LRRC9: variants seen among roughly 807,000 people sequenced by gnomAD.
The protein encoded by LRRC9 is leucine-rich repeat-containing protein 9.
Under a neutral mutation model 63.2 loss-of-function variants are expected in LRRC9, and 122 were observed. The ratio of observed to expected loss-of-function variants is 1.93; its 90% CI spans 1.67 to 2.24. The LOEUF (loss-of-function observed/expected upper bound fraction) is 2.24. Ranked by LOEUF, LRRC9 falls within the 30% of genes most tolerant of loss-of-function variation. The pLI, the probability that LRRC9 is intolerant of heterozygous loss-of-function variation, is 0.00. For synonymous variants in LRRC9, 366 were observed against 213.1 expected, an observed-to-expected ratio of 1.72 and a Z score of -6.25; for missense variants, 1,071 against 627.7, an observed-to-expected ratio of 1.71 and a Z score of -7.55.
chr14:59,945,830 C>T (rs1203880927), intron 8 of LRRC9, among the ~76,000 whole-genome samples: 1 of 151,720 alleles, frequency 6.6e-6, no homozygotes, highest in Non-Finnish European at 1.5e-5. Flanking sequence ...GACTAATAAG[C>T]ATTTGAAAGA....
At chr14:59,948,258 C>G (rs1171920700) in intron 8 of LRRC9, among the ~76,000 whole-genome samples, 1 of 125,018 alleles carries the variant, frequency 8.0e-6, no homozygotes, top group Non-Finnish European at 1.6e-5. Context: ...GTATTTTATT[C>G]TCTTTGAAGC....
Position 59,919,919 on chromosome 14 carries a change from T to C in LRRC9, c.-34+36T>C, listed in dbSNP as rs1216780327. ...AGATAAGCGCAGGTACAGAAAAACCTGCCAGCGAGAAGCTCCCGCCGTTTC... is the reference window on the plus strand; with the variant it reads ...AGATAAGCGCAGGTACAGAAAAACCCGCCAGCGAGAAGCTCCCGCCGTTTC... On this transcript the variant is annotated intron_variant, in intron 1 of 31. Transcript: ENST00000445360. The surrounding 1 kb of genome is among the most constrained non-coding windows in gnomAD (Gnocchi z 4.5). 1 of 152,234 alleles carries C rather than the reference T, an allele frequency of 6.6e-6. No individual in the cohort carries two copies. The highest frequency in any genetic ancestry group is 1.5e-5 in the Non-Finnish European group (1 of 68,056). 9.4% of individuals were successfully genotyped at this position (152,234 alleles called of 1,614,324 possible). A position where few individuals can be genotyped will look rare whatever the true frequency, so the allele number is the denominator to read the frequency against.
chr14:60,032,785 T>C (rs1454697281), intron 29 of LRRC9, among the ~76,000 whole-genome samples: 2 of 152,126 alleles, frequency 1.3e-5, no homozygotes, highest in African/African-American at 2.4e-5. Flanking sequence ...GGAGGAGAGC[T>C]TCTCTTGGAG....
At chr14:59,978,446 C>G (rs1178084161) in intron 15 of LRRC9, among the ~76,000 whole-genome samples, 2 of 152,180 alleles carry the variant, frequency 1.3e-5, no homozygotes, top group African/African-American at 2.4e-5. Context: ...CATTCTCTTT[C>G]ACCAGGGAAT....
At chr14:60,028,303 A>T (rs1448615127) in intron 28 of LRRC9, among the ~76,000 whole-genome samples, 1 of 152,108 alleles carries the variant, frequency 6.6e-6, no homozygotes, top group African/African-American at 2.4e-5. Flanking sequence ...GGACAAAGCA[A>T]CATGCACAAG....
chr14:60,064,397 T>C (rs1244909904), downstream of LRRC9, among the ~76,000 whole-genome samples: 1 of 152,224 alleles, frequency 6.6e-6, no homozygotes, highest in African/African-American at 2.4e-5. Flanking sequence ...ATACTTTCCT[T>C]ACACGAAAAT....
intron 27 of LRRC9, among the ~76,000 whole-genome samples, chr14:60,024,674 T>A (rs545437732): frequency 1.2e-4 from 19 of 152,156 alleles, no homozygotes; most frequent in Middle Eastern, 3.4e-3. Context: ...GATCTTTTTT[T>A]AAAAAAATAA....
rs1313450212 is a variant in LRRC9, at chr14:59,974,701, C to G, written c.1632C>G (p.Phe544Leu). The change falls in exon 13 of 32, where the codon TTC becomes TTG. Residue 544 changes from phenylalanine (F) to leucine (L), a missense_variant. Coordinates refer to ENST00000445360, the Ensembl canonical transcript of LRRC9. Reference sequence around the variant, plus strand: ...AAATCTCTCTTAAGCATGAGCTCTTCAGACATGGTAAATACAAATATGCCA... The same window carrying G: ...AAATCTCTCTTAAGCATGAGCTCTTGAGACATGGTAAATACAAATATGCCA... 3 of 656,392 alleles carry G rather than the reference C, an allele frequency of 4.6e-6. No individual in the cohort carries two copies. In the African/African-American group the frequency reaches 5.5e-5, roughly 12 times the overall value. The allele number at this position is 656,392 out of a possible 1,614,324, so 40.7% of individuals were successfully genotyped here. A position where few individuals can be genotyped will look rare whatever the true frequency, so the allele number is the denominator to read the frequency against.
chr14:60,013,634 G>A (rs1357391108), intron 23 of LRRC9, among the ~76,000 whole-genome samples: 1 of 151,938 alleles, frequency 6.6e-6, no homozygotes, highest in Non-Finnish European at 1.5e-5. Context: ...TCTTCTTGGT[G>A]GACTGACCGT....
chr14:60,037,843 T>C (rs1353398881), intron 29 of LRRC9, among the ~76,000 whole-genome samples: 2 of 152,234 alleles, frequency 1.3e-5, no homozygotes, highest in African/African-American at 4.8e-5. Flanking sequence ...TCCTTGTCCA[T>C]GTCTATGTCC....
chr14:59,923,912 C>T lies in LRRC9; in HGVS notation c.-33-3999C>T, dbSNP rs1888988511. Among the ~76,000 whole-genome samples, 1 of 152,190 alleles carries T rather than the reference C, an allele frequency of 6.6e-6. No homozygotes were observed. The highest frequency in any genetic ancestry group is 1.5e-5 in the Non-Finnish European group (1 of 68,024). On this transcript the variant is annotated intron_variant, in intron 1 of 31. Coordinates refer to ENST00000445360, the Ensembl canonical transcript of LRRC9. The surrounding 1 kb of genome is among the most constrained non-coding windows in gnomAD (Gnocchi z 4.2). The stretch of plus-strand genomic sequence containing the variant: ...GCTGAGATCGCGCCACTGCACTGTA[C>T]TCCAGCCTGGGAGACAGAGCAAGAC...
Position 59,962,655 on chromosome 14 carries a change from G to C in LRRC9, c.1211+1610G>C, listed in dbSNP as rs943122433. Among the ~76,000 whole-genome samples, 2 of 151,960 alleles carry C rather than the reference G, an allele frequency of 1.3e-5. No homozygotes were observed. Among genetic ancestry groups the C allele is most frequent in the African/African-American group, 4.8e-5 (2 of 41,372 alleles). ...TGGCCTCAAGTGATCTTCCCACCTCGGCCTCCCAAAGTGCTGAGATCACAG... is the reference window on the plus strand; with the variant it reads ...TGGCCTCAAGTGATCTTCCCACCTCCGCCTCCCAAAGTGCTGAGATCACAG... On this transcript the variant is annotated intron_variant, in intron 10 of 31. Transcript: ENST00000445360. This position sits in a 1 kb window ranked among gnomAD's most constrained non-coding sequence, Gnocchi z 5.1.
In LRRC9 at chr14:59,997,848, G is replaced by T; in HGVS notation, c.2403+1G>T. 1.5e-6 allele frequency: 1 copy of T among 681,722 alleles called. No homozygotes were observed. The highest frequency in any genetic ancestry group is 2.8e-5 in the East Asian group (1 of 36,350). 42.2% of individuals were successfully genotyped at this position (681,722 alleles called of 1,614,324 possible). ...TATTCAACATAATCCATGGCAAAAG[G>T]TATGCCACAGACATGTTACTAAAAA... is the stretch of plus-strand genomic sequence containing the variant. On this transcript the variant is annotated splice_donor_variant, in intron 18 of 31. Coordinates refer to ENST00000445360, the Ensembl canonical transcript of LRRC9. LOFTEE classifies it high-confidence loss of function.
chr14:59,995,771 T>A (rs1888709666), intron 17 of LRRC9, among the ~76,000 whole-genome samples: 2 of 152,020 alleles, frequency 1.3e-5, no homozygotes, highest in South Asian at 4.2e-4. Context: ...TGAGACGGAA[T>A]GTTGCTCTAT....
In LRRC9 at chr14:60,027,811, T is replaced by C. The variant is rs1041339983; in HGVS notation, c.3704-73T>C. The C allele has an allele frequency of 2.0e-6, 1 of 500,172 alleles. No individual in the cohort carries two copies. Among genetic ancestry groups the C allele is most frequent in the Non-Finnish European group, 3.5e-6 (1 of 282,616 alleles). The allele number at this position is 500,172 out of a possible 1,614,324, so 31.0% of individuals were successfully genotyped here. On this transcript the variant is annotated intron_variant, in intron 27 of 31. Coordinates refer to ENST00000445360, the Ensembl canonical transcript of LRRC9. The surrounding 1 kb of genome is among the most constrained non-coding windows in gnomAD (Gnocchi z 4.0). ...ACAAATCATCTGATTAAAAAATATT[T>C]AAATGTAAGTAGATATCCTTTACTT...
intron 7 of LRRC9, among the ~76,000 whole-genome samples, chr14:59,939,517 A>C (rs1174711163): frequency 1.3e-5 from 2 of 152,102 alleles, no homozygotes; most frequent in Admixed American, 1.3e-4. Flanking sequence ...CAGAGAGACC[A>C]GTTAGGAGAT....
Position 60,025,504 on chromosome 14 carries a change from C to T in LRRC9, c.3704-2380C>T, listed in dbSNP as rs77802309. ...GTAATGGAGGAGTATGTTCTGATGC[C>T]ATGGCGAGCATGGCAAATTAGAGTA... On this transcript the variant is annotated intron_variant, in intron 27 of 31. Coordinates refer to ENST00000445360, the Ensembl canonical transcript of LRRC9. Among the ~76,000 whole-genome samples, 47 of 152,028 alleles carry T rather than the reference C, an allele frequency of 3.1e-4. No homozygotes were observed. In the East Asian group the frequency reaches 7.6e-3, roughly 24 times the overall value.
intron 23 of LRRC9, among the ~76,000 whole-genome samples, chr14:60,011,703 G>A (rs111539934): frequency 2.8e-4 from 43 of 152,268 alleles, no homozygotes; most frequent in African/African-American, 1.0e-3. Flanking sequence ...GATTTTAAAT[G>A]CAAGGTAATG....
At chr14:60,018,694 T>G (rs1245357552) in intron 25 of LRRC9, among the ~76,000 whole-genome samples, 1 of 151,936 alleles carries the variant, frequency 6.6e-6, no homozygotes, top group East Asian at 1.9e-4. Context: ...ACATATTTAG[T>G]AAATTTTCCT....
Sources: allele counts gnomAD v4.1 joint callset (sites outside exome capture counted in the v4.1 genomes callset), GRCh38; gene constraint gnomAD v4.1.1; non-coding constraint Gnocchi (gnomAD v3.1); transcripts MANE v1.5; gene names NCBI Gene and HGNC (gene_info 2026-07-23, HGNC 2026-07-21).